Variants in CLIP1 observed in about 807,000 individuals in gnomAD.
CLIP1 encodes the protein CAP-Gly domain containing linker protein 1, also known as CAP-Gly domain-containing linker protein 1.
Under a neutral mutation model 161.6 loss-of-function variants are expected in CLIP1, and 66 were observed. The ratio of observed to expected loss-of-function variants is 0.41; its 90% CI spans 0.33 to 0.50. The LOEUF (loss-of-function observed/expected upper bound fraction) is 0.50, where lower values mean the gene tolerates loss of function less well. CLIP1 is among the 20% of genes least tolerant of loss of function. The pLI is 0.27. For missense variants in CLIP1, 1,376 were observed against 1,702.0 expected (o/e 0.81, Z 3.37); for synonymous variants, 598 against 626.2 (o/e 0.96, Z 0.67).
intron 4 of CLIP1, among the ~76,000 whole-genome samples, chr12:122,363,342 A>T (rs913268940): frequency 6.6e-6 from 1 of 152,152 alleles, no homozygotes; most frequent in Non-Finnish European, 1.5e-5. Flanking sequence ...AAATACAAAA[A>T]TTAGCCAGGC....
chr12:122,319,192 A>G (rs749653667), intron 18 of CLIP1, 40 bp downstream of exon 18: 21 of 1,325,956 alleles, frequency 1.6e-5, no homozygotes, highest in Non-Finnish European at 2.2e-5. Flanking sequence ...CCAAGTTGGT[A>G]AGCTGTTCTT....
intron 3 of CLIP1, among the ~76,000 whole-genome samples, chr12:122,372,694 C>T (rs188246090): frequency 1.3e-5 from 2 of 152,058 alleles, no homozygotes; most frequent in Non-Finnish European, 1.5e-5. Context: ...GTGTTAGAAA[C>T]GATCTCAAGA....
At chr12:122,369,014 C>CT (rs112746598) in intron 3 of CLIP1, among the ~76,000 whole-genome samples, 9,723 of 147,156 alleles carry the variant, frequency 0.066, 1,012 homozygotes, top group African/African-American at 0.23. Flanking sequence ...AAGCACGGTA[C>CT]TTTTTTTTTT....
chr12:122,340,796 T>C lies in CLIP1; in HGVS notation c.2408A>G (p.Gln803Arg). 1 of 1,606,066 alleles carries C rather than the reference T, an allele frequency of 6.2e-7. No homozygotes were observed. Among genetic ancestry groups the C allele is most frequent in the Non-Finnish European group, 8.5e-7 (1 of 1,176,896 alleles). ...LRQQLEAAEKQIKHLEIEKNA... is the reference protein window; with the variant it reads ...LRQQLEAAEKRIKHLEIEKNA... ...CTTTTCAATCTCTAAATGTTTAATC[T>C]GTTTCTCAGCTGCCTCAAGCTGCTG... is the stretch of plus-strand genomic sequence containing the variant. The change falls in exon 11 of 26, where the codon CAG becomes CGG. Residue 803 changes from glutamine (Q) to arginine (R), a missense_variant. Coordinates refer to ENST00000620786, the MANE Select transcript of CLIP1 (RefSeq NM_001247997.2).
In CLIP1 at chr12:122,294,342, AAC is replaced by A. The variant is rs1566085872; in HGVS notation, c.3595-5803_3595-5802del. Among the ~76,000 whole-genome samples, 6 of 143,566 alleles carry A rather than the reference AAC, an allele frequency of 4.2e-5. No homozygotes were observed. In the East Asian group the frequency reaches 7.8e-4, roughly 19 times the overall value. The allele number at this position is 143,566 out of a possible 152,430, so 94.2% of individuals were successfully genotyped here. On this transcript the variant is annotated intron_variant, in intron 20 of 25. Coordinates refer to ENST00000620786, the MANE Select transcript of CLIP1 (RefSeq NM_001247997.2). Reference sequence around the variant, plus strand: ...AGACTCTGTCTCAAAAAAAAAAAAAAACAAAAAAAAAAACCCCAAACTGGAAC... The same window carrying A: ...AGACTCTGTCTCAAAAAAAAAAAAAAAAAAAAAAAAACCCCAAACTGGAAC...
chr12:122,374,593 C>G (rs1954625277), intron 3 of CLIP1, among the ~76,000 whole-genome samples: 2 of 152,052 alleles, frequency 1.3e-5, no homozygotes, highest in Non-Finnish European at 2.9e-5. Context: ...GAAACCCTGT[C>G]TCTACTAAAA....
chr12:122,305,904 C>T (rs1950852072), intron 20 of CLIP1, among the ~76,000 whole-genome samples: 1 of 151,748 alleles, frequency 6.6e-6, no homozygotes, highest in South Asian at 2.1e-4. Flanking sequence ...CCAGTCTCTA[C>T]TAAAATACAA....
At chr12:122,306,825 G>C (rs907484) in intron 20 of CLIP1, among the ~76,000 whole-genome samples, 151,561 of 152,174 alleles carry the variant, frequency 1, 75,479 homozygotes, top group Middle Eastern at 1. Flanking sequence ...ATGTTTGACC[G>C]CACCTACCCC....
chr12:122,290,893 T>A (rs1950223152), intron 20 of CLIP1, among the ~76,000 whole-genome samples: 1 of 151,184 alleles, frequency 6.6e-6, no homozygotes, highest in Admixed American at 6.6e-5. Flanking sequence ...TTTAGTTTTT[T>A]AAGTTTTTTT....
At chr12:122,369,754 G>A (rs946288150) in intron 3 of CLIP1, among the ~76,000 whole-genome samples, 1 of 151,846 alleles carries the variant, frequency 6.6e-6, no homozygotes, top group African/African-American at 2.4e-5. Context: ...AGGAAGGGAT[G>A]CCTGAGGAGG....
intron 7 of CLIP1, 70 bp from the exon 8 acceptor site, chr12:122,352,856 A>C: frequency 5.9e-6 from 8 of 1,359,074 alleles, no homozygotes; most frequent in East Asian, 2.3e-5. Context: ...AAACAAAACA[A>C]ACAAACAAAA....
At chr12:122,378,859 C>T (rs977833847) in intron 2 of CLIP1, among the ~76,000 whole-genome samples, 6 of 152,108 alleles carry the variant, frequency 3.9e-5, no homozygotes, top group African/African-American at 1.4e-4. Flanking sequence ...GGTGCAGTGG[C>T]TCACACCTGT....
intron 20 of CLIP1, among the ~76,000 whole-genome samples, chr12:122,297,980 A>G (rs1440714639): frequency 6.6e-6 from 1 of 152,136 alleles, no homozygotes; most frequent in Non-Finnish European, 1.5e-5. Context: ...AAGACTGGCC[A>G]TCTCCGTCCA....
intron 9 of CLIP1, among the ~76,000 whole-genome samples, chr12:122,348,619 G>A (rs1566151416): frequency 6.6e-6 from 1 of 152,088 alleles, no homozygotes; most frequent in Non-Finnish European, 1.5e-5. Context: ...AATAATCTAG[G>A]TCCAAATGTA....
chr12:122,320,381 T>C (rs1951446300), intron 17 of CLIP1, among the ~76,000 whole-genome samples: 1 of 152,100 alleles, frequency 6.6e-6, no homozygotes, highest in Admixed American at 6.5e-5. Flanking sequence ...GACGGGAGGA[T>C]TGCTTGAGCC....
At chr12:122,315,645 C>T (rs947587718) in intron 19 of CLIP1, among the ~76,000 whole-genome samples, 1 of 133,200 alleles carries the variant, frequency 7.5e-6, no homozygotes, top group Admixed American at 7.1e-5. Flanking sequence ...GATTCCTTTT[C>T]TTTTTTTTTT....
At chr12:122,347,281 G>C (rs1270884499) in intron 10 of CLIP1, 94 bp downstream of exon 10, 1 of 875,308 alleles carries the variant, frequency 1.1e-6, no homozygotes, top group Non-Finnish European at 1.9e-6. Flanking sequence ...TTGAACCACT[G>C]GGTCAAGGCT....
intron 1 of CLIP1, among the ~76,000 whole-genome samples, chr12:122,396,286 CAGA>C (rs1346908453): frequency 6.6e-6 from 1 of 152,016 alleles, no homozygotes; most frequent in Admixed American, 6.6e-5. Context: ...TTGAAAATGC[CAGA>C]AGAATAAAGC....
chr12:122,329,744 G>A (rs1951861500), intron 15 of CLIP1, among the ~76,000 whole-genome samples: 1 of 151,990 alleles, frequency 6.6e-6, no homozygotes, highest in South Asian at 2.1e-4. Context: ...GCTTCTGGAG[G>A]ACAGCAGATA....
Sources: gnomAD v4.1 joint callset for allele counts (sites outside exome capture counted in the v4.1 genomes callset) on GRCh38, gnomAD v4.1.1 for gene constraint, MANE v1.5 for transcripts, NCBI Gene and HGNC (gene_info 2026-07-23, HGNC 2026-07-21) for gene names.